Variants in SLC6A16 observed in about 807,000 individuals in gnomAD.
The protein encoded by SLC6A16 is solute carrier family 6 member 16, also known as orphan sodium- and chloride-dependent neurotransmitter transporter NTT5.
A neutral mutation model predicts 65.4 loss-of-function variants in SLC6A16; 54 were observed. The ratio of observed to expected loss-of-function variants is 0.83; its 90% confidence interval spans 0.66 to 1.04. The LOEUF is 1.04. Among genes scored for constraint, SLC6A16 ranks in the 50% least tolerant of loss-of-function variants. SLC6A16 has a pLI of 0.00. For synonymous variants in SLC6A16, 330 were observed against 346.5 expected, an observed-to-expected ratio of 0.95 and a Z score of 0.53; for missense variants, 816 against 914.0, an observed-to-expected ratio of 0.89 and a Z score of 1.38.
the SLC6A16 span, chr19:49,340,207 C>T: frequency 1.9e-6 from 3 of 1,565,494 alleles, no homozygotes; most frequent in Non-Finnish European, 2.6e-6. Context: ...CCCGTCTCGC[C>T]AGCACCCCTT....
upstream of SLC6A16, among the ~76,000 whole-genome samples, chr19:49,326,479 C>T (rs1458226936): frequency 4.6e-5 from 7 of 152,134 alleles, no homozygotes; most frequent in Non-Finnish European, 1.0e-4. Context: ...GAATGAAAGG[C>T]TTAAATTGTT....
chr19:49,313,169 C>CT (rs1162348755), intron 1 of SLC6A16, among the ~76,000 whole-genome samples: 3 of 148,626 alleles, frequency 2.0e-5, no homozygotes, highest in Non-Finnish European at 3.0e-5. Context: ...TCTTGTATTA[C>CT]TTTTTTTTCA....
chr19:49,317,588 C>T lies in SLC6A16; in HGVS notation c.-64-6177G>A, dbSNP rs372957322. ...TTAGGAGGCCGAGGCGGGCGGACCA[C>T]GAGGTCAGGAGATCAAGACCATCCT... On this transcript the variant is annotated intron_variant, in intron 1 of 11. Transcript: ENST00000335875. 4.0e-5 allele frequency among the ~76,000 whole-genome samples: 6 copies of T among 151,858 alleles called. No homozygotes were observed. In the East Asian group the frequency reaches 1.2e-3, roughly 30 times the overall value.
At chr19:49,313,832 C>T (rs1281819595) in intron 1 of SLC6A16, among the ~76,000 whole-genome samples, 2 of 151,534 alleles carry the variant, frequency 1.3e-5, no homozygotes, top group Non-Finnish European at 2.9e-5. Flanking sequence ...CAGTGGCTCA[C>T]GCCTGTAATC....
At position 49,308,178 on chromosome 19, in the gene SLC6A16, C is replaced by T. The variant is rs1421562146; in HGVS notation, c.1229+698G>A. On this transcript the variant is annotated intron_variant, in intron 7 of 11. Coordinates refer to ENST00000335875, the MANE Select transcript of SLC6A16 (RefSeq NM_014037.3). ...ACAGTTAAGAATGGGGGCCTTAGGG[C>T]GCGGTGGCTCACGCCTGTAATCGCA... Among the ~76,000 whole-genome samples, 7 of 151,892 alleles carry T rather than the reference C, an allele frequency of 4.6e-5. No homozygotes were observed. In the East Asian group the frequency reaches 9.6e-4, roughly 21 times the overall value.
At chr19:49,315,847 C>T (rs1402761153) in intron 1 of SLC6A16, among the ~76,000 whole-genome samples, 2 of 151,782 alleles carry the variant, frequency 1.3e-5, no homozygotes, top group Non-Finnish European at 2.9e-5. Flanking sequence ...AACATAGGCA[C>T]ATATTTAATA....
Position 49,309,672 on chromosome 19 carries a change from A to T in SLC6A16, c.855T>A (p.Asn285Lys), listed in dbSNP as rs1970470590. ...CWCLVGAFMINGLKSTGKVIY... is the reference protein window; with the variant it reads ...CWCLVGAFMIKGLKSTGKVIY... The stretch of plus-strand genomic sequence containing the variant: ...TCACCTTCCCAGTGGACTTGAGCCC[A>T]TTGATCATGAAAGCACCAACAAGAC... Residue 285 changes from asparagine (N) to lysine (K), a missense_variant, in exon 5 of 12, where the codon AAT becomes AAA. Coordinates refer to ENST00000335875, the MANE Select transcript of SLC6A16 (RefSeq NM_014037.3). 6.2e-7 allele frequency: 1 copy of T among 1,613,838 alleles called. No individual in the cohort carries two copies. The highest frequency in any genetic ancestry group is 8.5e-7 in the Non-Finnish European group (1 of 1,179,838).
the SLC6A16 span, chr19:49,340,056 A>T: frequency 2.0e-6 from 3 of 1,505,130 alleles, no homozygotes; most frequent in East Asian, 4.9e-5. Flanking sequence ...CCCCACTTGT[A>T]GCAGCTATTC....
intron 1 of SLC6A16, among the ~76,000 whole-genome samples, chr19:49,321,951 A>G (rs555178236): frequency 1.3e-5 from 2 of 152,238 alleles, no homozygotes; most frequent in African/African-American, 4.8e-5. Flanking sequence ...AAATATCCCA[A>G]CATAATAGCC....
Position 49,310,500 on chromosome 19 carries a change from A to G in SLC6A16, c.426T>C (p.Ala142=). 6.2e-7 allele frequency: 1 copy of G among 1,614,108 alleles called. No individual in the cohort carries two copies. The highest frequency in any genetic ancestry group is 8.5e-7 in the Non-Finnish European group (1 of 1,180,036). Residue 142 remains alanine (A), a synonymous_variant, in exon 3 of 12, where the codon GCT becomes GCC. Transcript: ENST00000335875. ...LWLNSGGCSF[A]AIYIFMLFLV... is the part of the protein sequence containing the mutation. ...GGAACAGCATGAAGATGTAGATGGC[A>G]GCGAAACTGCCTGTGAAGAAGATTC...
intron 7 of SLC6A16, 127 bp downstream of exon 7, chr19:49,308,749 G>T: frequency 9.2e-7 from 1 of 1,081,854 alleles, no homozygotes; most frequent in Non-Finnish European, 1.4e-6. Context: ...GGGGAAGGTA[G>T]AGGGCTTGCA....
At chr19:49,306,131 T>C (rs949286499) in intron 7 of SLC6A16, 1 of 151,994 alleles carries the variant, frequency 6.6e-6, no homozygotes, top group Non-Finnish European at 1.5e-5. Flanking sequence ...ACCCTGTCTC[T>C]GCTAAAAATA....
intron 1 of SLC6A16, among the ~76,000 whole-genome samples, chr19:49,317,539 G>A (rs1180559115): frequency 6.6e-6 from 1 of 152,128 alleles, no homozygotes; most frequent in Non-Finnish European, 1.5e-5. Context: ...AGGCGCCGTG[G>A]CTCACGCCTG....
chr19:49,336,950 G>A, the SLC6A16 span: 1,603 of 1,614,146 alleles, frequency 9.9e-4, 4 homozygotes, highest in Non-Finnish European at 1.2e-3. Flanking sequence ...CAAAGTCCTG[G>A]CCATCTCAGG....
chr19:49,335,578 A>ACTTCCTCTTCGTTTT, the SLC6A16 span: 1 of 1,613,856 alleles, frequency 6.2e-7, no homozygotes, highest in South Asian at 1.1e-5. This position sits in a 1 kb window ranked among gnomAD's most constrained non-coding sequence, Gnocchi z 4.6. Context: ...CTCATCAAGT[A>ACTTCCTCTTCGTTTT]CTTCCTCTTC....
chr19:49,310,650 C>T, intron 2 of SLC6A16, 140 bp from the exon 3 acceptor site: 2 of 916,984 alleles, frequency 2.2e-6, no homozygotes, highest in South Asian at 3.3e-5. Flanking sequence ...GTCTACATCC[C>T]TCACGGTCCC....
intron 7 of SLC6A16, among the ~76,000 whole-genome samples, chr19:49,307,051 CTTT>C (rs1197711801): frequency 4.9e-5 from 3 of 61,028 alleles, no homozygotes. Context: ...GTTTTATACA[CTTT>C]TTTTTTTTTT....
At chr19:49,295,504 T>G (rs1391183937) in intron 7 of SLC6A16, among the ~76,000 whole-genome samples, 1 of 152,198 alleles carries the variant, frequency 6.6e-6, no homozygotes, top group Non-Finnish European at 1.5e-5. Flanking sequence ...AAATACTATA[T>G]GCTATTCCAG....
At chr19:49,307,162 G>C (rs1012510791) in intron 7 of SLC6A16, among the ~76,000 whole-genome samples, 2 of 150,246 alleles carry the variant, frequency 1.3e-5, no homozygotes, top group South Asian at 2.1e-4. Flanking sequence ...ACAGGCGTGA[G>C]CCACTGCTCC....
Sources: gnomAD v4.1 joint callset for allele counts (sites outside exome capture counted in the v4.1 genomes callset) on GRCh38, gnomAD v4.1.1 for gene constraint, Gnocchi (gnomAD v3.1) non-coding constraint, MANE v1.5 for transcripts, NCBI Gene and HGNC (gene_info 2026-07-23, HGNC 2026-07-21) for gene names.